Variants in CACNA1A observed in about 807,000 individuals in gnomAD.
CACNA1A encodes the protein voltage-dependent P/Q-type calcium channel subunit alpha-1A.
In CACNA1A, 57 loss-of-function variants were observed where a neutral mutation model predicts 262.4. The ratio of observed to expected loss-of-function variants is 0.22; its 90% CI spans 0.18 to 0.27. The LOEUF is 0.27. Ranked by LOEUF, CACNA1A falls within the 10% of genes least tolerant of loss-of-function variation. The pLI is 1.00. For synonymous variants in CACNA1A, 1,431 were observed against 1,419.3 expected (o/e 1.01, Z -0.18); for missense variants, 2,526 against 3,562.8 (o/e 0.71, Z 7.41).
intron 4 of CACNA1A, chr19:13,366,235 T>C (rs2059209303): frequency 6.6e-6 from 1 of 152,166 alleles, no homozygotes; most frequent in Admixed American, 6.6e-5. Context: ...GTTCTGGGAT[T>C]ACAGACGTGA....
intron 3 of CACNA1A, among the ~76,000 whole-genome samples, chr19:13,405,496 G>C (rs1833694872): frequency 6.6e-6 from 1 of 152,156 alleles, no homozygotes; most frequent in Non-Finnish European, 1.5e-5. Context: ...GTGAGCCATT[G>C]CTCCTGGCCA....
At chr19:13,235,497 A>G in intron 32 of CACNA1A, 117 bp downstream of exon 32, 1 of 814,962 alleles carries the variant, frequency 1.2e-6, no homozygotes, top group Admixed American at 2.0e-5. Context: ...TGGAGATAAC[A>G]GATTCTCTGC....
chr19:13,321,996 G>A (rs532536464), intron 10 of CACNA1A, among the ~76,000 whole-genome samples: 1 of 152,130 alleles, frequency 6.6e-6, no homozygotes, highest in African/African-American at 2.4e-5. Context: ...AAGGTCAGGA[G>A]TTCGAGACCA....
At chr19:13,256,503 T>C (rs1252354272) in intron 28 of CACNA1A, 1 of 152,188 alleles carries the variant, frequency 6.6e-6, no homozygotes, top group African/African-American at 2.4e-5. Context: ...TTCCTTTTCT[T>C]TTTTTGAGAG....
intron 44 of CACNA1A, 140 bp downstream of exon 44, chr19:13,210,477 C>G: frequency 1.4e-6 from 1 of 716,170 alleles, no homozygotes; most frequent in Non-Finnish European, 2.4e-6. Flanking sequence ...GGATTGGGCT[C>G]CATGGAGGGG....
intron 15 of CACNA1A, among the ~76,000 whole-genome samples, chr19:13,306,015 G>A (rs1016940038): frequency 2.8e-4 from 42 of 150,838 alleles, no homozygotes; most frequent in African/African-American, 8.1e-4. Flanking sequence ...AGCCAAGAAC[G>A]TGCCGTCGCA....
chr19:13,453,017 TGGAA>T lies in CACNA1A; in HGVS notation c.400-6_400-3del. The T allele has an allele frequency of 6.2e-7, 1 of 1,613,964 alleles. No homozygotes were observed. The highest frequency in any genetic ancestry group is 1.1e-5 in the South Asian group (1 of 91,074). ...AATGAAGTATGGTTCTGTGTCATCC[TGGAA>T]GGGAGAGAAGGCAAGGTCAGCGTCT... On this transcript the variant is annotated splice_polypyrimidine_tract_variant and splice_region_variant and intron_variant, in intron 2 of 46. Transcript: ENST00000360228.
At chr19:13,289,476 C>A (rs570007630) in intron 19 of CACNA1A, among the ~76,000 whole-genome samples, 25 of 152,250 alleles carry the variant, frequency 1.6e-4, no homozygotes, top group African/African-American at 5.1e-4. Flanking sequence ...AGCTGTGCAA[C>A]CCTGTGTGAT....
chr19:13,219,962 A>G (rs2055162690), intron 38 of CACNA1A, among the ~76,000 whole-genome samples: 1 of 92,940 alleles, frequency 1.1e-5, no homozygotes, highest in Non-Finnish European at 2.1e-5. Flanking sequence ...AAAAAAAAAA[A>G]AAAAGAAAGA....
At chr19:13,395,627 A>C (rs2059796435) in intron 3 of CACNA1A, among the ~76,000 whole-genome samples, 1 of 152,032 alleles carries the variant, frequency 6.6e-6, no homozygotes. Flanking sequence ...AAAGAAAAAA[A>C]AAAAAAAGAA....
chr19:13,448,022 C>G (rs1367088125), intron 3 of CACNA1A, among the ~76,000 whole-genome samples: 1 of 151,422 alleles, frequency 6.6e-6, no homozygotes, highest in Non-Finnish European at 1.5e-5. Flanking sequence ...TCAATATTAA[C>G]CATCACACTG....
chr19:13,335,585 A>G (rs1600361785), intron 7 of CACNA1A, among the ~76,000 whole-genome samples: 1 of 152,292 alleles, frequency 6.6e-6, no homozygotes, highest in East Asian at 1.9e-4. Context: ...AAAAAAATGT[A>G]AAGAAAGTAA....
intron 12 of CACNA1A, among the ~76,000 whole-genome samples, chr19:13,310,899 T>C (rs2145020251): frequency 6.6e-6 from 1 of 152,090 alleles, no homozygotes; most frequent in East Asian, 1.9e-4. Context: ...CAAGTGATTC[T>C]CCTTCCTCAG....
intron 3 of CACNA1A, among the ~76,000 whole-genome samples, chr19:13,382,293 C>G (rs1457882452): frequency 6.6e-6 from 1 of 152,136 alleles, no homozygotes; most frequent in African/African-American, 2.4e-5. Context: ...GGGTTAAATC[C>G]TGGCCCTGCA....
At chr19:13,420,617 G>C (rs541526612) in intron 3 of CACNA1A, among the ~76,000 whole-genome samples, 4 of 152,276 alleles carry the variant, frequency 2.6e-5, no homozygotes, top group African/African-American at 7.2e-5. Flanking sequence ...CTTTCCTAGA[G>C]CAGTTGTCAA....
At chr19:13,271,323 C>A (rs1458520053) in intron 24 of CACNA1A, 1 of 144,762 alleles carries the variant, frequency 6.9e-6, no homozygotes, top group African/African-American at 2.6e-5. Context: ...TGGGTTCAAG[C>A]AATTCTCCTG....
Position 13,207,369 on chromosome 19 carries a change from C to G in CACNA1A, c.7465G>C (p.Gly2489Arg). The G allele has an allele frequency of 6.4e-7, 1 of 1,551,516 alleles. No homozygotes were observed. Among genetic ancestry groups the G allele is most frequent in the Non-Finnish European group, 8.7e-7 (1 of 1,155,528 alleles). ...AHGLARPRGP[G>R]SRKGLHEPYS... ...GGTTCGTGCAGGCCCTTCCTGGAGC[C>G]CGGCCCGCGGGGCCTGGCCAGTCCG... The change falls in exon 47 of 47, where the codon GGC becomes CGC. Residue 2489 changes from glycine (G) to arginine (R), a missense_variant. Coordinates refer to ENST00000360228, the MANE Select transcript of CACNA1A (RefSeq NM_001127222.2). This position sits in a 1 kb window ranked among gnomAD's most constrained non-coding sequence, Gnocchi z 5.7.
intron 3 of CACNA1A, among the ~76,000 whole-genome samples, chr19:13,427,322 T>C (rs984984367): frequency 6.6e-6 from 1 of 151,930 alleles, no homozygotes; most frequent in Admixed American, 6.6e-5. Flanking sequence ...CGTGGTGGCA[T>C]ATGCCTGTAA....
intron 3 of CACNA1A, among the ~76,000 whole-genome samples, chr19:13,388,112 A>G (rs2059646430): frequency 6.6e-6 from 1 of 152,050 alleles, no homozygotes; most frequent in Non-Finnish European, 1.5e-5. Flanking sequence ...TAAGATGGGT[A>G]CCAAGGAGCA....
Sources: allele counts gnomAD v4.1 joint callset (sites outside exome capture counted in the v4.1 genomes callset), GRCh38; gene constraint gnomAD v4.1.1; non-coding constraint Gnocchi (gnomAD v3.1); transcripts MANE v1.5; gene names NCBI Gene and HGNC (gene_info 2026-07-23, HGNC 2026-07-21).